Variants in AGBL4 observed in about 807,000 individuals in gnomAD.
The protein encoded by AGBL4 is AGBL carboxypeptidase 4, also known as cytosolic carboxypeptidase 6.
AGBL4 carries 58 observed loss-of-function variants against 66.4 expected under a neutral mutation model. The ratio of observed to expected loss-of-function variants is 0.87; its 90% CI spans 0.71 to 1.09. The LOEUF (loss-of-function observed/expected upper bound fraction) is 1.09, where lower values mean the gene tolerates loss of function less well. Among genes scored for constraint, AGBL4 ranks in the 50% least tolerant of loss-of-function variants. The pLI is 0.00. For missense variants in AGBL4, 579 were observed against 631.0 expected, an observed-to-expected ratio of 0.92 and a Z score of 0.88; for synonymous variants, 234 against 222.9, an observed-to-expected ratio of 1.05 and a Z score of -0.44.
chr1:49,120,469 C>A (rs1332165385), intron 4 of AGBL4, among the ~76,000 whole-genome samples: 1 of 152,076 alleles, frequency 6.6e-6, no homozygotes, highest in African/African-American at 2.4e-5. Context: ...GTTGAAAAGT[C>A]TTTTCTTGAA....
chr1:48,889,130 G>A (rs1299603660), intron 5 of AGBL4, among the ~76,000 whole-genome samples: 1 of 152,168 alleles, frequency 6.6e-6, no homozygotes, highest in African/African-American at 2.4e-5. Flanking sequence ...TAGTGCTTGG[G>A]AAAGACCCAC....
intron 2 of AGBL4, among the ~76,000 whole-genome samples, chr1:49,826,271 C>G (rs1368596142): frequency 6.6e-6 from 1 of 152,126 alleles, no homozygotes; most frequent in Non-Finnish European, 1.5e-5. Context: ...TTAACTAGTA[C>G]ATATGGGTAT....
chr1:48,597,501 G>T (rs898419293), intron 9 of AGBL4, among the ~76,000 whole-genome samples: 2 of 152,082 alleles, frequency 1.3e-5, no homozygotes, highest in African/African-American at 4.8e-5. Flanking sequence ...GATCAGGGAA[G>T]GCCTCTGACA....
chr1:49,308,595 T>G (rs1644890388), intron 3 of AGBL4, among the ~76,000 whole-genome samples: 3 of 152,304 alleles, frequency 2.0e-5, no homozygotes, highest in South Asian at 4.1e-4. Context: ...CTCCTATTTC[T>G]TTGAGCAGCA....
chr1:49,987,835 C>T (rs775870540), intron 1 of AGBL4, among the ~76,000 whole-genome samples: 14 of 151,868 alleles, frequency 9.2e-5, no homozygotes, highest in East Asian at 1.9e-4. Flanking sequence ...ACTATTAACT[C>T]ACTTAATTGT....
chr1:49,053,631 CTT>C (rs1430740248), intron 4 of AGBL4, among the ~76,000 whole-genome samples: 1 of 152,082 alleles, frequency 6.6e-6, no homozygotes, highest in Non-Finnish European at 1.5e-5. Context: ...TCTGAATGCT[CTT>C]GACACATTTA....
chr1:49,369,195 T>G (rs1344564131), intron 3 of AGBL4, among the ~76,000 whole-genome samples: 2 of 152,186 alleles, frequency 1.3e-5, no homozygotes, highest in African/African-American at 2.4e-5. Context: ...TACTGCTCCT[T>G]CACTAGATAG....
intron 3 of AGBL4, among the ~76,000 whole-genome samples, chr1:49,302,654 T>C (rs1644774457): frequency 6.8e-6 from 1 of 146,474 alleles, no homozygotes; most frequent in Non-Finnish European, 1.5e-5. Context: ...TTTTATTTTA[T>C]TTTATTTTAT....
intron 5 of AGBL4, among the ~76,000 whole-genome samples, chr1:49,022,712 G>T (rs1354542562): frequency 1.3e-5 from 2 of 152,070 alleles, no homozygotes; most frequent in African/African-American, 4.8e-5. Context: ...AAATAGATGG[G>T]TCCATCTGGA....
chr1:49,491,090 T>C (rs556286263), intron 3 of AGBL4, among the ~76,000 whole-genome samples: 1 of 151,948 alleles, frequency 6.6e-6, no homozygotes, highest in African/African-American at 2.4e-5. Context: ...AGCTCAGTGA[T>C]AGTTGAATGA....
At position 49,885,760 on chromosome 1, in the gene AGBL4, C is replaced by A. The variant is rs529462990; in HGVS notation, c.35-34242G>T. Among the ~76,000 whole-genome samples, 210 of 152,164 alleles carry A rather than the reference C, an allele frequency of 1.4e-3. 1 individual carries two copies. Among genetic ancestry groups the A allele is most frequent in the African/African-American group, 4.8e-3 (200 of 41,534 alleles). On this transcript the variant is annotated intron_variant, in intron 1 of 13. Coordinates refer to ENST00000371839, the MANE Select transcript of AGBL4 (RefSeq NM_032785.4). ...AGGATATACAAACAAATACTATAGT[C>A]TCAAAAAGTTGACCATCTAGTTAAG...
chr1:49,256,557 A>G (rs1004180526), intron 3 of AGBL4, among the ~76,000 whole-genome samples: 11 of 152,310 alleles, frequency 7.2e-5, no homozygotes, highest in Admixed American at 2.6e-4. Flanking sequence ...GGAAAAATCT[A>G]TCATAGACAT....
intron 1 of AGBL4, among the ~76,000 whole-genome samples, chr1:49,951,586 C>T (rs1301352869): frequency 6.6e-6 from 1 of 151,874 alleles, no homozygotes; most frequent in Admixed American, 6.6e-5. Context: ...TCCTCATTTG[C>T]CTTTTAAAAC....
intron 1 of AGBL4, 39 bp from the exon 2 acceptor site, chr1:49,851,557 G>A (rs779884700): frequency 8.5e-5 from 130 of 1,537,036 alleles, no homozygotes; most frequent in African/African-American, 1.4e-4. Flanking sequence ...AAGTATATTC[G>A]GCAATTGAAG....
intron 3 of AGBL4, among the ~76,000 whole-genome samples, chr1:49,355,530 C>A (rs1644001875): frequency 6.6e-6 from 1 of 152,122 alleles, no homozygotes; most frequent in Non-Finnish European, 1.5e-5. Context: ...CCAATCCCCC[C>A]AACATGAAAG....
chr1:49,644,839 C>T (rs898107351), intron 3 of AGBL4, among the ~76,000 whole-genome samples: 9 of 151,370 alleles, frequency 5.9e-5, no homozygotes, highest in Non-Finnish European at 8.9e-5. Context: ...GCACATGAAA[C>T]ATTTACCAAG....
chr1:49,233,712 G>A (rs1650505711), intron 4 of AGBL4, among the ~76,000 whole-genome samples: 1 of 151,980 alleles, frequency 6.6e-6, no homozygotes, highest in Non-Finnish European at 1.5e-5. Flanking sequence ...TTCTTTATAG[G>A]GACAATAATA....
chr1:49,225,728 T>C (rs1649861994), intron 4 of AGBL4, among the ~76,000 whole-genome samples: 1 of 152,186 alleles, frequency 6.6e-6, no homozygotes, highest in Non-Finnish European at 1.5e-5. Flanking sequence ...CTGGATTCCT[T>C]TGGATTATAA....
chr1:48,601,592 A>C (rs1048600562), intron 9 of AGBL4, among the ~76,000 whole-genome samples: 1 of 152,238 alleles, frequency 6.6e-6, no homozygotes, highest in Non-Finnish European at 1.5e-5. Context: ...TCAATATGAA[A>C]TCTATTGACA....
Sources: gnomAD v4.1 joint callset for allele counts (sites outside exome capture counted in the v4.1 genomes callset) on GRCh38, gnomAD v4.1.1 for gene constraint, MANE v1.5 for transcripts, NCBI Gene and HGNC (gene_info 2026-07-23, HGNC 2026-07-21) for gene names.